The following ATP5F1C variants were observed in gnomAD, a reference collection of about 807,000 sequenced individuals.
The protein encoded by ATP5F1C is ATP synthase F(1) complex subunit gamma, mitochondrial.
ATP5F1C carries 22 observed loss-of-function variants against 37.4 expected under a neutral mutation model. That is an observed-to-expected ratio of 0.59 (90% CI 0.42 to 0.84). ATP5F1C has a LOEUF of 0.84. Ranked by LOEUF, ATP5F1C falls within the 40% of genes least tolerant of loss-of-function variation. The pLI, the probability that ATP5F1C is intolerant of heterozygous loss-of-function variation, is 0.00. For synonymous variants in ATP5F1C, 121 were observed against 128.0 expected (o/e 0.95, Z 0.37); for missense variants, 286 against 362.4 (o/e 0.79, Z 1.71).
intron 8 of ATP5F1C, 123 bp downstream of exon 8, chr10:7,802,977 C>A: frequency 1.4e-6 from 1 of 709,496 alleles, no homozygotes; most frequent in Non-Finnish European, 2.4e-6. Flanking sequence ...CTGAAACTTG[C>A]ATCCTAACTC....
rs1836514484 is a variant in ATP5F1C at position 7,807,787 on chromosome 10, CAACTT to C, written c.*162_*166del. The stretch of plus-strand genomic sequence containing the variant: ...TATTTGTAAATTATCTTAAAATAAA[CAACTT>C]AAAATAAAATCATTGTTTTTCTTAT... On this transcript the variant is annotated 3_prime_UTR_variant, in exon 10 of 10. Transcript: ENST00000356708. 4.7e-6 allele frequency: 5 copies of C among 1,068,800 alleles called. No individual in the cohort carries two copies. The South Asian group carries it at 6.2e-5, about 13-fold the overall frequency. The allele number at this position is 1,068,800 out of a possible 1,614,324, so 66.2% of individuals were successfully genotyped here. A position where few individuals can be genotyped will look rare whatever the true frequency, so the allele number is the denominator to read the frequency against.
chr10:7,795,180 A>C (rs1283943488), intron 1 of ATP5F1C, among the ~76,000 whole-genome samples: 1 of 151,996 alleles, frequency 6.6e-6, no homozygotes, highest in African/African-American at 2.4e-5. Flanking sequence ...AACAAACCCA[A>C]CTCATGTGTC....
chr10:7,799,624 T>C, intron 4 of ATP5F1C, 148 bp from the exon 5 acceptor site: 1 of 807,768 alleles, frequency 1.2e-6, no homozygotes, highest in Non-Finnish European at 1.9e-6. Flanking sequence ...GGAATGATGA[T>C]AGTGTGTGGA....
intron 8 of ATP5F1C, among the ~76,000 whole-genome samples, chr10:7,805,424 T>G (rs1836455301): frequency 6.6e-6 from 1 of 152,030 alleles, no homozygotes; most frequent in African/African-American, 2.4e-5. Context: ...TTCTGCAAAA[T>G]TGAGGACCAG....
intron 3 of ATP5F1C, 24 bp from the exon 4 acceptor site, chr10:7,798,966 T>A (rs1836295255): frequency 1.2e-6 from 2 of 1,603,056 alleles, no homozygotes; most frequent in Non-Finnish European, 1.7e-6. Context: ...TATAAAAAAA[T>A]TACTGCTTTT....
rs770581241 is a variant in ATP5F1C, at chr10:7,795,900, TACAG to T, written c.57-216_57-213del. ...ATGTTGACTTCTGGGAAGGTGGTGG[TACAG>T]ACAGGCCAAATAAAAGGAGGCCTTC... On this transcript the variant is annotated intron_variant, in intron 1 of 9. Coordinates refer to ENST00000356708, the MANE Select transcript of ATP5F1C (RefSeq NM_001001973.3). Among the ~76,000 whole-genome samples, 86 of 152,260 alleles carry T rather than the reference TACAG, an allele frequency of 5.6e-4. 1 individual carries two copies. In the East Asian group the frequency reaches 0.015, roughly 26 times the overall value.
chr10:7,799,540 GA>G, intron 4 of ATP5F1C: 1 of 578,902 alleles, frequency 1.7e-6, no homozygotes, highest in South Asian at 2.4e-5. Context: ...ATTAGAAGGA[GA>G]GGAATAAAGG....
intron 1 of ATP5F1C, among the ~76,000 whole-genome samples, chr10:7,791,779 CAATT>C (rs1836168345): frequency 6.6e-6 from 1 of 152,148 alleles, no homozygotes; most frequent in South Asian, 2.1e-4. Context: ...TTGTACCTAA[CAATT>C]AAAGTAGTAA....
At chr10:7,798,498 C>G (rs1465798109) in intron 3 of ATP5F1C, among the ~76,000 whole-genome samples, 2 of 152,170 alleles carry the variant, frequency 1.3e-5, no homozygotes, top group East Asian at 3.8e-4. Flanking sequence ...GCTCTGCCTC[C>G]CGGGTTCACG....
At chr10:7,797,007 T>C (rs1836251696) in intron 2 of ATP5F1C, 40 bp from the exon 3 acceptor site, 1 of 1,593,118 alleles carries the variant, frequency 6.3e-7, no homozygotes, top group East Asian at 2.2e-5. Flanking sequence ...GAAGTTATAC[T>C]GTAATTCCTT....
At chr10:7,802,652 G>T in intron 7 of ATP5F1C, 106 bp from the exon 8 acceptor site, 1 of 1,253,464 alleles carries the variant, frequency 8.0e-7, no homozygotes, top group South Asian at 1.5e-5. Flanking sequence ...GGCCAATTTT[G>T]GTATCCAAAA....
chr10:7,794,579 T>G (rs1427152243), intron 1 of ATP5F1C, among the ~76,000 whole-genome samples: 9 of 152,070 alleles, frequency 5.9e-5, no homozygotes, highest in African/African-American at 2.2e-4. Flanking sequence ...GGGTGTTAGA[T>G]TTTGTTGGAT....
intron 1 of ATP5F1C, among the ~76,000 whole-genome samples, chr10:7,792,862 A>G (rs184870596): frequency 6.6e-6 from 1 of 152,326 alleles, no homozygotes; most frequent in Admixed American, 6.5e-5. Flanking sequence ...TCAGTTGGGT[A>G]AGTTAAGACT....
At chr10:7,806,425 CG>C (rs1440641999) in intron 8 of ATP5F1C, among the ~76,000 whole-genome samples, 2 of 152,098 alleles carry the variant, frequency 1.3e-5, no homozygotes, top group Non-Finnish European at 2.9e-5. Context: ...GAGGCCGAGG[CG>C]GGTGGATCAC....
intron 1 of ATP5F1C, 56 bp downstream of exon 1, chr10:7,788,319 A>G: frequency 6.3e-7 from 1 of 1,597,962 alleles, no homozygotes; most frequent in South Asian, 1.1e-5. Flanking sequence ...GAGCTTGGGC[A>G]CGGGGCAGGG....
intron 6 of ATP5F1C, 59 bp from the exon 7 acceptor site, chr10:7,802,211 T>A: frequency 3.3e-6 from 5 of 1,513,516 alleles, no homozygotes; most frequent in Non-Finnish European, 4.4e-6. Context: ...AAAGCTGTTT[T>A]TGATGAATTA....
At chr10:7,794,049 C>G (rs138711831) in intron 1 of ATP5F1C, among the ~76,000 whole-genome samples, 1 of 152,116 alleles carries the variant, frequency 6.6e-6, no homozygotes, top group African/African-American at 2.4e-5. Context: ...TAGATATCAA[C>G]TAAAATCAAA....
rs1361407975 is a variant in ATP5F1C at position 7,799,029 on chromosome 10, A to G, written c.263A>G (p.Lys88Arg). Residue 88 changes from lysine to arginine, a missense_variant, in exon 4 of 10, where the codon AAG (lysine) becomes AGG (arginine). Transcript: ENST00000356708. Reference sequence around the variant, plus strand: ...GCTGATATCAAGGGGCCTGAAGACAAGAAGAAACACCTCCTTATTGGTGTG... The same window carrying G: ...GCTGATATCAAGGGGCCTGAAGACAGGAAGAAACACCTCCTTATTGGTGTG... Reference protein sequence around the residue: ...EKADIKGPEDKKKHLLIGVSS... With the variant: ...EKADIKGPEDRKKHLLIGVSS... 6.2e-7 allele frequency: 1 copy of G among 1,612,466 alleles called. No homozygotes were observed. Among genetic ancestry groups the G allele is most frequent in the Non-Finnish European group, 8.5e-7 (1 of 1,179,872 alleles).
intron 1 of ATP5F1C, among the ~76,000 whole-genome samples, chr10:7,791,112 C>T (rs747690500): frequency 6.6e-6 from 1 of 151,966 alleles, no homozygotes; most frequent in Non-Finnish European, 1.5e-5. Flanking sequence ...CCATACTGGC[C>T]AACATGGTGA....
Sources: gnomAD v4.1 joint callset for allele counts (sites outside exome capture counted in the v4.1 genomes callset) on GRCh38, gnomAD v4.1.1 for gene constraint, MANE v1.5 for transcripts, NCBI Gene and HGNC (gene_info 2026-07-23, HGNC 2026-07-21) for gene names.